Variants in UBE2R2 observed in about 807,000 individuals in gnomAD.
The protein encoded by UBE2R2 is ubiquitin conjugating enzyme E2 R2.
A neutral mutation model predicts 27.8 loss-of-function variants in UBE2R2; 1 was observed. That is an observed-to-expected ratio of 0.04 (90% CI 0.01 to 0.17). UBE2R2 has a LOEUF of 0.17. UBE2R2 is among the 10% of genes least tolerant of loss of function. The probability of loss-of-function intolerance (pLI) is 1.00; values close to 1 mark genes in which losing one functional copy is unlikely to be tolerated. For synonymous variants in UBE2R2, 106 were observed against 113.3 expected, an observed-to-expected ratio of 0.94 and a Z score of 0.41; for missense variants, 100 against 291.0, an observed-to-expected ratio of 0.34 and a Z score of 4.78.
At chr9:33,915,115 G>A (rs1822609425) in intron 4 of UBE2R2, among the ~76,000 whole-genome samples, 1 of 150,274 alleles carries the variant, frequency 6.7e-6, no homozygotes, top group Non-Finnish European at 1.5e-5. Context: ...GGGTGACAGT[G>A]GGAGACCTTG....
chr9:33,883,626 G>A (rs2130792829), intron 1 of UBE2R2, among the ~76,000 whole-genome samples: 1 of 151,154 alleles, frequency 6.6e-6, no homozygotes, highest in Non-Finnish European at 1.5e-5. Flanking sequence ...TGAGGCAGGA[G>A]GATCACTTGA....
At chr9:33,856,680 G>A (rs983860868) in intron 1 of UBE2R2, among the ~76,000 whole-genome samples, 1 of 150,424 alleles carries the variant, frequency 6.6e-6, no homozygotes, top group Non-Finnish European at 1.5e-5. Flanking sequence ...ACCTTTCTTG[G>A]AAAATCTTTT....
At chr9:33,912,942 T>A (rs1205543309) in intron 4 of UBE2R2, among the ~76,000 whole-genome samples, 1 of 152,030 alleles carries the variant, frequency 6.6e-6, no homozygotes, top group East Asian at 1.9e-4. Flanking sequence ...CTCCACCTCT[T>A]TTTTATTTGT....
chr9:33,893,290 T>C (rs1415604750), intron 2 of UBE2R2, among the ~76,000 whole-genome samples: 2 of 152,246 alleles, frequency 1.3e-5, no homozygotes, highest in African/African-American at 4.8e-5. Context: ...ATATTGCAGA[T>C]ATTTAGTATA....
chr9:33,902,283 CAA>C (rs777968590), intron 3 of UBE2R2, among the ~76,000 whole-genome samples: 1 of 152,160 alleles, frequency 6.6e-6, no homozygotes, highest in Non-Finnish European at 1.5e-5. Context: ...CCCATGGGCT[CAA>C]GTGATGCCCC....
At chr9:33,840,771 TGC>T (rs1194562833) in intron 1 of UBE2R2, among the ~76,000 whole-genome samples, 1 of 152,196 alleles carries the variant, frequency 6.6e-6, no homozygotes, top group Admixed American at 6.5e-5. Flanking sequence ...TATTAAGAGA[TGC>T]TTCTGCTTAC....
At chr9:33,896,101 A>G (rs922610260) in intron 2 of UBE2R2, among the ~76,000 whole-genome samples, 1 of 152,052 alleles carries the variant, frequency 6.6e-6, no homozygotes, top group Non-Finnish European at 1.5e-5. Flanking sequence ...GACAATTATC[A>G]ATGGAATTGT....
At chr9:33,841,754 A>G (rs1477366867) in intron 1 of UBE2R2, among the ~76,000 whole-genome samples, 1 of 152,104 alleles carries the variant, frequency 6.6e-6, no homozygotes, top group African/African-American at 2.4e-5. Flanking sequence ...TCTGGTTCTC[A>G]AGGATAGGGA....
chr9:33,876,138 G>A (rs1472628321), intron 1 of UBE2R2, among the ~76,000 whole-genome samples: 2 of 152,144 alleles, frequency 1.3e-5, no homozygotes, highest in African/African-American at 2.4e-5. Flanking sequence ...AAGGCAGGTG[G>A]ATCACCTGAG....
intron 1 of UBE2R2, among the ~76,000 whole-genome samples, chr9:33,820,916 C>T (rs972159112): frequency 1.3e-5 from 2 of 152,102 alleles, no homozygotes; most frequent in Non-Finnish European, 2.9e-5. Flanking sequence ...ATCCTGCTTT[C>T]GCTTATTTAA....
chr9:33,819,650 T>TG (rs924147093), intron 1 of UBE2R2, among the ~76,000 whole-genome samples: 91 of 152,140 alleles, frequency 6.0e-4, no homozygotes, highest in African/African-American at 1.9e-3. Context: ...CTTTCTTTTT[T>TG]TTTTTTGAGA....
intron 1 of UBE2R2, among the ~76,000 whole-genome samples, chr9:33,849,198 G>C (rs1402000030): frequency 6.6e-6 from 1 of 151,884 alleles, no homozygotes; most frequent in African/African-American, 2.4e-5. Flanking sequence ...CGGAGGTTGC[G>C]GTGAGCCGAG....
At chr9:33,863,063 C>T (rs1351125795) in intron 1 of UBE2R2, among the ~76,000 whole-genome samples, 1 of 151,964 alleles carries the variant, frequency 6.6e-6, no homozygotes, top group Non-Finnish European at 1.5e-5. Context: ...TGGCACGCAC[C>T]TGTAATCCCA....
chr9:33,844,971 G>C (rs1207063875), intron 1 of UBE2R2, among the ~76,000 whole-genome samples: 2 of 151,944 alleles, frequency 1.3e-5, no homozygotes, highest in Admixed American at 1.3e-4. Flanking sequence ...GTTTCACCAT[G>C]TTGGTCAGGC....
At position 33,817,790 on chromosome 9, in the gene UBE2R2, G is replaced by A. The variant is rs1208099331; in HGVS notation, c.33G>A (p.Lys11=). Residue 11 remains lysine, a synonymous_variant, in exon 1 of 5, where the codon AAG becomes AAA. Transcript: ENST00000263228. MAQQQMTSSQ[K]ALMLELKSLQ... ...AGCAGCAGATGACCAGCTCGCAGAA[G>A]GCCCTGATGCTCGAGCTGAAATCCC... 11 of 1,606,774 alleles carry A rather than the reference G, an allele frequency of 6.8e-6. No individual in the cohort carries two copies. The highest frequency in any genetic ancestry group is 9.3e-6 in the Non-Finnish European group (11 of 1,176,762).
chr9:33,903,650 G>GGA (rs1564005237), intron 3 of UBE2R2, among the ~76,000 whole-genome samples: 3 of 152,114 alleles, frequency 2.0e-5, no homozygotes, highest in African/African-American at 7.2e-5. Flanking sequence ...TACTTCTCAT[G>GGA]TAATCCAGTC....
chr9:33,850,304 CTTAGGAG>C (rs1820937455), intron 1 of UBE2R2, among the ~76,000 whole-genome samples: 1 of 152,134 alleles, frequency 6.6e-6, no homozygotes, highest in African/African-American at 2.4e-5. Context: ...CAGAATTTCT[CTTAGGAG>C]TTAGGGATGC....
At chr9:33,869,500 G>A (rs1001624982) in intron 1 of UBE2R2, among the ~76,000 whole-genome samples, 1 of 151,726 alleles carries the variant, frequency 6.6e-6, no homozygotes, top group Admixed American at 6.6e-5. Flanking sequence ...AGGCTGGAGT[G>A]TAATGGTGCA....
intron 1 of UBE2R2, among the ~76,000 whole-genome samples, chr9:33,847,519 A>G (rs745396612): frequency 1.3e-5 from 2 of 152,022 alleles, no homozygotes; most frequent in African/African-American, 4.8e-5. Flanking sequence ...TTTGATGTGC[A>G]TGGGTGTGGT....
Sources: gnomAD v4.1 joint callset for allele counts (sites outside exome capture counted in the v4.1 genomes callset) on GRCh38, gnomAD v4.1.1 for gene constraint, MANE v1.5 for transcripts, NCBI Gene and HGNC (gene_info 2026-07-23, HGNC 2026-07-21) for gene names.